Variants in RAB38 observed in about 807,000 individuals in gnomAD.
RAB38 encodes RAB38, member RAS oncogene family.
RAB38 carries 15 observed loss-of-function variants against 18.4 expected under a neutral mutation model. That is an observed-to-expected ratio of 0.82 (90% confidence interval 0.55 to 1.26). RAB38 has a LOEUF of 1.26. Among genes scored for constraint, RAB38 ranks in the 50% most tolerant of loss-of-function variants. The probability of loss-of-function intolerance (pLI) is 0.00; values close to 1 mark genes in which losing one functional copy is unlikely to be tolerated. For synonymous variants in RAB38, 101 were observed against 104.4 expected (o/e 0.97, Z 0.20); for missense variants, 294 against 267.4 (o/e 1.10, Z -0.69).
chr11:87,835,149 A>T, the RAB38 span, among the ~76,000 whole-genome samples: 4 of 152,228 alleles, frequency 2.6e-5, no homozygotes, highest in African/African-American at 9.6e-5. Flanking sequence ...AAACGAATGT[A>T]TTGGGTGACT....
intron 2 of RAB38, among the ~76,000 whole-genome samples, chr11:88,141,276 C>A (rs1942909076): frequency 6.6e-6 from 1 of 152,070 alleles, no homozygotes; most frequent in Admixed American, 6.5e-5. Context: ...GGACATTTGG[C>A]AATGTCTGGA....
the RAB38 span, among the ~76,000 whole-genome samples, chr11:88,027,372 C>G: frequency 6.6e-6 from 1 of 152,134 alleles, no homozygotes. Context: ...ACAGTGGGCG[C>G]AGGTCAGTGG....
At chr11:88,080,139 A>T in the RAB38 span, among the ~76,000 whole-genome samples, 1 of 151,794 alleles carries the variant, frequency 6.6e-6, no homozygotes, top group South Asian at 2.1e-4. Flanking sequence ...TACATAGAAA[A>T]AATCCCAAGG....
At chr11:88,119,598 T>G (rs1942604002) in intron 2 of RAB38, among the ~76,000 whole-genome samples, 1 of 152,006 alleles carries the variant, frequency 6.6e-6, no homozygotes, top group Admixed American at 6.6e-5. Context: ...CTTGTCAGTT[T>G]TTTAATTAGC....
At position 88,149,665 on chromosome 11, in the gene RAB38, G is replaced by T; in HGVS notation, c.483+10C>A. On this transcript the variant is annotated intron_variant, in intron 2 of 2. Transcript: ENST00000243662. Reference sequence around the variant, plus strand: ...GCTTATATTAAGCTTATTATTTAAAGTCACATTACCTTTGCTGATGTTTCA... The same window carrying T: ...GCTTATATTAAGCTTATTATTTAAATTCACATTACCTTTGCTGATGTTTCA... The T allele has an allele frequency of 6.3e-7, 1 of 1,596,476 alleles. No homozygotes were observed. Among genetic ancestry groups the T allele is most frequent in the Non-Finnish European group, 8.6e-7 (1 of 1,169,020 alleles).
At chr11:88,037,728 C>T in the RAB38 span, among the ~76,000 whole-genome samples, 2 of 152,194 alleles carry the variant, frequency 1.3e-5, no homozygotes, top group African/African-American at 2.4e-5. Flanking sequence ...TAATATAATG[C>T]TTTTGACATT....
the RAB38 span, among the ~76,000 whole-genome samples, chr11:87,938,824 T>C: frequency 6.6e-6 from 1 of 151,920 alleles, no homozygotes; most frequent in Non-Finnish European, 1.5e-5. Context: ...CCTTGGGTCC[T>C]GAGGTCCCTA....
At chr11:87,828,697 T>C in the RAB38 span, among the ~76,000 whole-genome samples, 1 of 152,176 alleles carries the variant, frequency 6.6e-6, no homozygotes, top group Admixed American at 6.6e-5. Context: ...CTAATCTACC[T>C]TTTTTGGGTA....
chr11:88,069,557 G>A, the RAB38 span, among the ~76,000 whole-genome samples: 4 of 152,238 alleles, frequency 2.6e-5, no homozygotes, highest in Admixed American at 6.5e-5. Context: ...CCGGAGGATC[G>A]TATATGCACC....
the RAB38 span, among the ~76,000 whole-genome samples, chr11:87,872,212 C>T: frequency 2.0e-5 from 3 of 151,460 alleles, no homozygotes; most frequent in African/African-American, 7.3e-5. Flanking sequence ...TGCATATTGG[C>T]CATTGAAATA....
the RAB38 span, among the ~76,000 whole-genome samples, chr11:87,935,080 C>T: frequency 2.0e-5 from 3 of 152,148 alleles, no homozygotes; most frequent in South Asian, 4.1e-4. Context: ...TCTTGTCTTC[C>T]AGTCTCCTTC....
At chr11:87,949,224 T>A in the RAB38 span, among the ~76,000 whole-genome samples, 7 of 152,242 alleles carry the variant, frequency 4.6e-5, no homozygotes, top group Non-Finnish European at 1.0e-4. Flanking sequence ...TTCTGTGGGA[T>A]AGGTGGTGAT....
chr11:87,957,376 G>A, the RAB38 span, among the ~76,000 whole-genome samples: 16 of 142,852 alleles, frequency 1.1e-4, no homozygotes, highest in East Asian at 3.4e-3. Flanking sequence ...TGACAGTCCT[G>A]TAACAAAAGA....
intron 2 of RAB38, among the ~76,000 whole-genome samples, chr11:88,141,513 A>G (rs1020858456): frequency 6.6e-6 from 1 of 152,252 alleles, no homozygotes; most frequent in South Asian, 2.1e-4. Context: ...CACTAATTTC[A>G]TAAGAGTTGT....
At chr11:87,891,363 G>A in the RAB38 span, among the ~76,000 whole-genome samples, 1 of 151,780 alleles carries the variant, frequency 6.6e-6, no homozygotes, top group African/African-American at 2.4e-5. Context: ...TTTTGTGTAT[G>A]TCATATTTAT....
the RAB38 span, among the ~76,000 whole-genome samples, chr11:88,054,177 G>A: frequency 6.6e-6 from 1 of 152,134 alleles, no homozygotes; most frequent in African/African-American, 2.4e-5. Flanking sequence ...AGAAACTCAA[G>A]TCTGAATGAC....
the RAB38 span, among the ~76,000 whole-genome samples, chr11:88,067,434 G>A: frequency 6.6e-6 from 1 of 150,896 alleles, no homozygotes; most frequent in Non-Finnish European, 1.5e-5. Flanking sequence ...TGAGATTCAA[G>A]TATCTTTCCA....
the RAB38 span, among the ~76,000 whole-genome samples, chr11:87,872,614 T>G: frequency 6.6e-6 from 1 of 151,628 alleles, no homozygotes; most frequent in South Asian, 2.1e-4. Context: ...CTCCCTGCCC[T>G]CTAACCCTGG....
At chr11:87,818,009 G>A in the RAB38 span, among the ~76,000 whole-genome samples, 1 of 152,136 alleles carries the variant, frequency 6.6e-6, no homozygotes, top group Non-Finnish European at 1.5e-5. Flanking sequence ...GGGCACAGCT[G>A]GCCTTGTGTA....
Sources: allele counts gnomAD v4.1 joint callset (sites outside exome capture counted in the v4.1 genomes callset), GRCh38; gene constraint gnomAD v4.1.1; transcripts MANE v1.5; gene names NCBI Gene and HGNC (gene_info 2026-07-23, HGNC 2026-07-21).